Variants in FUBP3 observed in about 807,000 individuals in gnomAD.
FUBP3 encodes far upstream element-binding protein 3.
A neutral mutation model predicts 85.6 loss-of-function variants in FUBP3; 28 were observed. That is an observed-to-expected ratio of 0.33 (90% CI 0.24 to 0.45). FUBP3 has a LOEUF of 0.45. Ranked by LOEUF, FUBP3 falls within the 20% of genes least tolerant of loss-of-function variation. FUBP3 has a pLI of 1.00. For synonymous variants in FUBP3, 271 were observed against 271.4 expected (o/e 1.00, Z 0.01); for missense variants, 583 against 755.1 (o/e 0.77, Z 2.67).
intron 2 of FUBP3, among the ~76,000 whole-genome samples, chr9:130,608,599 T>G (rs544561271): frequency 1.3e-5 from 2 of 152,294 alleles, no homozygotes; most frequent in South Asian, 4.1e-4. Flanking sequence ...AGCAAGAATG[T>G]TTGTTATATT....
Position 130,635,919 on chromosome 9 carries a change from G to A in FUBP3, c.1583-80G>A. The stretch of plus-strand genomic sequence containing the variant: ...CTTCCAGCCGTCCGGAGGGAGAGCA[G>A]ATGCCCAGGGCCTTTGGGAAGGGTC... On this transcript the variant is annotated intron_variant, in intron 17 of 18. Transcript: ENST00000319725. This position sits in a 1 kb window ranked among gnomAD's most constrained non-coding sequence, Gnocchi z 4.3. 2.8e-6 allele frequency: 4 copies of A among 1,449,614 alleles called. No homozygotes were observed. Among genetic ancestry groups the A allele is most frequent in the Non-Finnish European group, 3.8e-6 (4 of 1,061,784 alleles). 89.8% of individuals were successfully genotyped at this position (1,449,614 alleles called of 1,614,324 possible).
chr9:130,626,995 CGTGA>C (rs1170771005), intron 12 of FUBP3, among the ~76,000 whole-genome samples: 1 of 152,174 alleles, frequency 6.6e-6, no homozygotes, highest in Non-Finnish European at 1.5e-5. Context: ...GCATATTTAC[CGTGA>C]GTCACGGACT....
intron 1 of FUBP3, among the ~76,000 whole-genome samples, chr9:130,589,392 G>A (rs1048520933): frequency 6.9e-6 from 1 of 145,398 alleles, no homozygotes; most frequent in Non-Finnish European, 1.5e-5. Context: ...TCCCCAGGCT[G>A]GAGTGCAATG....
intron 1 of FUBP3, among the ~76,000 whole-genome samples, chr9:130,593,925 A>G (rs1270777396): frequency 6.6e-6 from 1 of 152,212 alleles, no homozygotes; most frequent in African/African-American, 2.4e-5. Flanking sequence ...CTGGGGGGAA[A>G]TTTTTAACAG....
At chr9:130,582,676 TAGGTTACAAGGGGACCTCTGGATGA>T (rs1318642629) in intron 1 of FUBP3, among the ~76,000 whole-genome samples, 2 of 152,234 alleles carry the variant, frequency 1.3e-5, no homozygotes. Flanking sequence ...ACTGTCTGCC[TAGGTTACAAGGGGACCTCTGGATGA>T]GTAGATCCAA....
intron 1 of FUBP3, among the ~76,000 whole-genome samples, chr9:130,594,292 A>G (rs113773510): frequency 6.6e-6 from 1 of 151,840 alleles, no homozygotes; most frequent in Non-Finnish European, 1.5e-5. Context: ...ATTAAAAATT[A>G]AAAAAATAGG....
chr9:130,620,909 T>G (rs956404755), intron 9 of FUBP3, among the ~76,000 whole-genome samples: 8 of 152,124 alleles, frequency 5.3e-5, no homozygotes, highest in Non-Finnish European at 7.3e-5. Flanking sequence ...AGAACAAATA[T>G]TGTACGATTC....
At position 130,616,629 on chromosome 9, in the gene FUBP3, A is replaced by G; in HGVS notation, c.567+112A>G. On this transcript the variant is annotated intron_variant, in intron 7 of 18. Transcript: ENST00000319725. The surrounding 1 kb of genome is among the most constrained non-coding windows in gnomAD (Gnocchi z 4.7). ...TTCCCTGGCTGGGCTGGCTTTGTGC[A>G]GCATTGTGCTGAGGCTTCCTTCCTC... The G allele has an allele frequency of 1.0e-6, 1 of 999,920 alleles. No homozygotes were observed. The highest frequency in any genetic ancestry group is 1.5e-6 in the Non-Finnish European group (1 of 661,810). 61.9% of individuals were successfully genotyped at this position (999,920 alleles called of 1,614,324 possible). A position where few individuals can be genotyped will look rare whatever the true frequency, so the allele number is the denominator to read the frequency against.
chr9:130,589,673 G>GTATATA (rs1291689029), intron 1 of FUBP3, among the ~76,000 whole-genome samples: 74 of 28,290 alleles, frequency 2.6e-3, no homozygotes, highest in East Asian at 0.011. Context: ...ATGTATGTGT[G>GTATATA]TGTATATATA....
chr9:130,594,869 C>CTTTTTTT (rs10710760), intron 1 of FUBP3, among the ~76,000 whole-genome samples: 1 of 129,320 alleles, frequency 7.7e-6, no homozygotes. Flanking sequence ...TGTTGGCTTG[C>CTTTTTTT]TTTTTTTTTT....
At chr9:130,605,469 C>CA (rs1185106858) in intron 2 of FUBP3, among the ~76,000 whole-genome samples, 3 of 152,258 alleles carry the variant, frequency 2.0e-5, no homozygotes, top group African/African-American at 7.2e-5. Flanking sequence ...TTTGCATGGG[C>CA]ACAGGCCCCT....
intron 16 of FUBP3, 104 bp downstream of exon 16, chr9:130,632,382 A>T: frequency 1.2e-6 from 1 of 838,862 alleles, no homozygotes. Flanking sequence ...CAGGCCCAGG[A>T]TGCCCCTCCC....
In FUBP3 at chr9:130,604,506, G is replaced by A. The variant is rs540685457; in HGVS notation, c.191-5448G>A. Among the ~76,000 whole-genome samples the A allele has an allele frequency of 2.6e-5, 4 of 152,278 alleles. 1 individual carries two copies. The highest frequency in any genetic ancestry group is 7.2e-5 in the African/African-American group (3 of 41,560). ...TTTGACCTTGGGCAAGTTCCTTAAC[G>A]TCTCTGAGCCTGTGTTTCCTCATCT... is the stretch of plus-strand genomic sequence containing the variant. On this transcript the variant is annotated intron_variant, in intron 2 of 18. Coordinates refer to ENST00000319725, the MANE Select transcript of FUBP3 (RefSeq NM_003934.2).
intron 1 of FUBP3, chr9:130,580,790 A>G (rs1564184761): frequency 6.6e-6 from 1 of 152,242 alleles, no homozygotes; most frequent in Non-Finnish European, 1.5e-5. Context: ...TTTTCATGTT[A>G]TATATTGATG....
At chr9:130,636,165 C>T (rs781599232) in intron 18 of FUBP3, 39 bp downstream of exon 18, 3 of 1,598,534 alleles carry the variant, frequency 1.9e-6, no homozygotes, top group Non-Finnish European at 1.7e-6. Context: ...CACTCCCTAG[C>T]CCCGAGCCCC....
At chr9:130,632,511 A>G (rs987746224) in intron 16 of FUBP3, among the ~76,000 whole-genome samples, 6 of 152,028 alleles carry the variant, frequency 3.9e-5, no homozygotes, top group Non-Finnish European at 8.8e-5. Context: ...CGGGCTGGGG[A>G]CTCTGGGCTG....
intron 16 of FUBP3, among the ~76,000 whole-genome samples, chr9:130,633,211 G>A (rs1049043693): frequency 6.6e-6 from 1 of 152,248 alleles, no homozygotes; most frequent in Non-Finnish European, 1.5e-5. Flanking sequence ...TGCATGCTCT[G>A]AAATTGTATA....
chr9:130,633,131 C>T (rs571464464), intron 16 of FUBP3, among the ~76,000 whole-genome samples: 3 of 152,348 alleles, frequency 2.0e-5, no homozygotes, highest in Middle Eastern at 6.8e-3. Flanking sequence ...CTTAGGCACG[C>T]CCTGCCTTCT....
intron 1 of FUBP3, among the ~76,000 whole-genome samples, chr9:130,588,357 C>T (rs1830441455): frequency 6.6e-6 from 1 of 151,740 alleles, no homozygotes; most frequent in South Asian, 2.1e-4. Flanking sequence ...AGGAGGTTAC[C>T]CTGGTTGGTG....
Sources: allele counts gnomAD v4.1 joint callset (sites outside exome capture counted in the v4.1 genomes callset), GRCh38; gene constraint gnomAD v4.1.1; non-coding constraint Gnocchi (gnomAD v3.1); transcripts MANE v1.5; gene names NCBI Gene and HGNC (gene_info 2026-07-23, HGNC 2026-07-21).